The following TTLL5 variants were observed in gnomAD, a reference collection of about 807,000 sequenced individuals.
The protein encoded by TTLL5 is tubulin polyglutamylase TTLL5.
TTLL5 carries 132 observed loss-of-function variants against 168.4 expected under a neutral mutation model. The observed-to-expected ratio is 0.78, with a 90% CI of 0.68 to 0.91. TTLL5 has a LOEUF of 0.91. Among genes scored for constraint, TTLL5 ranks in the 40% least tolerant of loss-of-function variants. The probability of loss-of-function intolerance (pLI) is 0.00; values close to 1 mark genes in which losing one functional copy is unlikely to be tolerated. For missense variants in TTLL5, 1,545 were observed against 1,581.5 expected (o/e 0.98, Z 0.39); for synonymous variants, 546 against 558.6 (o/e 0.98, Z 0.32).
chr14:75,669,337 A>C, intron 2 of TTLL5, 79 bp from the exon 3 acceptor site: 1 of 1,333,218 alleles, frequency 7.5e-7, no homozygotes, highest in Non-Finnish European at 1.0e-6. Flanking sequence ...CTTGCTAAGC[A>C]ACAAACCATA....
intron 15 of TTLL5, chr14:75,737,625 T>C: frequency 5.2e-6 from 8 of 1,532,934 alleles, no homozygotes; most frequent in Non-Finnish European, 7.0e-6. Context: ...CTAGATCTTT[T>C]GGAGACTTCT....
chr14:75,713,268 T>G (rs1887217986), intron 9 of TTLL5, among the ~76,000 whole-genome samples: 1 of 152,212 alleles, frequency 6.6e-6, no homozygotes, highest in South Asian at 2.1e-4. Context: ...ATGTATTACT[T>G]TTTCTATGTT....
At chr14:75,771,656 A>G (rs997218084) in intron 20 of TTLL5, 78 bp from the exon 21 acceptor site, 10 of 1,587,704 alleles carry the variant, frequency 6.3e-6, no homozygotes, top group Non-Finnish European at 8.6e-6. Context: ...CTCAAAGGCC[A>G]CTTGGAGAGA....
Position 75,931,408 on chromosome 14 carries a change from A to G in TTLL5, c.3824-23016A>G, listed in dbSNP as rs534823945. 7.9e-5 allele frequency among the ~76,000 whole-genome samples: 12 copies of G among 152,302 alleles called. No individual in the cohort carries two copies. In the South Asian group the frequency reaches 1.7e-3, roughly 21 times the overall value. ...GTCCGCATATTTGATTATCATTATT[A>G]TACTTTTCCCTTTAAATATCCCTCA... On this transcript the variant is annotated intron_variant, in intron 31 of 31. Transcript: ENST00000298832.
intron 28 of TTLL5, among the ~76,000 whole-genome samples, chr14:75,846,635 A>G (rs1896557590): frequency 6.6e-6 from 1 of 152,056 alleles, no homozygotes; most frequent in Admixed American, 6.5e-5. Flanking sequence ...TACTAAAAAT[A>G]CAAAATCAGC....
intron 20 of TTLL5, among the ~76,000 whole-genome samples, chr14:75,767,350 T>C (rs1891028046): frequency 6.6e-6 from 1 of 152,120 alleles, no homozygotes; most frequent in South Asian, 2.1e-4. Context: ...AGAAACAAGG[T>C]CATTTCAGGT....
At chr14:75,706,774 A>ATTTATTAT (rs1213998697) in intron 7 of TTLL5, among the ~76,000 whole-genome samples, 1 of 150,736 alleles carries the variant, frequency 6.6e-6, no homozygotes, top group African/African-American at 2.5e-5. Flanking sequence ...TTATTTATTT[A>ATTTATTAT]TTATTTATTA....
intron 12 of TTLL5, among the ~76,000 whole-genome samples, chr14:75,724,740 C>G (rs1250091294): frequency 1.3e-5 from 2 of 152,106 alleles, no homozygotes; most frequent in Admixed American, 1.3e-4. Context: ...TTATGCCTCC[C>G]TCAATAAGAC....
chr14:75,804,454 A>G (rs182169658), intron 27 of TTLL5, among the ~76,000 whole-genome samples: 3 of 152,310 alleles, frequency 2.0e-5, no homozygotes, highest in Admixed American at 2.0e-4. Flanking sequence ...ATGGTTACAG[A>G]TGTTCTCTAG....
chr14:75,953,699 T>G (rs1272992795), intron 31 of TTLL5, among the ~76,000 whole-genome samples: 1 of 152,140 alleles, frequency 6.6e-6, no homozygotes, highest in African/African-American at 2.4e-5. Flanking sequence ...CAAAGTATTA[T>G]CTGACACTCT....
intron 31 of TTLL5, among the ~76,000 whole-genome samples, chr14:75,949,311 ATACACATATATATAACCT>A (rs1289957805): frequency 6.6e-6 from 1 of 150,838 alleles, no homozygotes; most frequent in Non-Finnish European, 1.5e-5. Flanking sequence ...ATATGTATAT[ATACACATATATATAACCT>A]TACCAAGAGA....
chr14:75,683,739 TAAA>T, intron 5 of TTLL5, 83 bp downstream of exon 5: 3 of 1,063,744 alleles, frequency 2.8e-6, no homozygotes, highest in Non-Finnish European at 4.3e-6. Context: ...TTAGTGTCCT[TAAA>T]GAAGAGGAAG....
intron 29 of TTLL5, among the ~76,000 whole-genome samples, chr14:75,875,040 T>G (rs2139998714): frequency 6.8e-6 from 1 of 146,138 alleles, no homozygotes; most frequent in East Asian, 2.1e-4. Flanking sequence ...TTCACACCAT[T>G]CTCCTGCCTC....
chr14:75,914,033 A>AAAAAAAAAAAAAATATATATAT, intron 31 of TTLL5, among the ~76,000 whole-genome samples: 13 of 71,088 alleles, frequency 1.8e-4, no homozygotes, highest in Non-Finnish European at 2.1e-4. Flanking sequence ...AAAAAAAAAA[A>AAAAAAAAAAAAAATATATATAT]ATATATATAT....
chr14:75,781,314 A>C (rs1050685910), intron 24 of TTLL5, among the ~76,000 whole-genome samples: 34 of 152,200 alleles, frequency 2.2e-4, no homozygotes, highest in African/African-American at 8.2e-4. Context: ...CAGTAGGAAG[A>C]CGTCAATCAA....
At chr14:75,862,785 A>T (rs951595876) in intron 28 of TTLL5, among the ~76,000 whole-genome samples, 11 of 152,056 alleles carry the variant, frequency 7.2e-5, no homozygotes, top group South Asian at 4.1e-4. Flanking sequence ...CTACAAAAAA[A>T]ATATATAAAA....
chr14:75,831,762 A>G (rs1289486167), intron 28 of TTLL5, among the ~76,000 whole-genome samples: 1 of 152,144 alleles, frequency 6.6e-6, no homozygotes, highest in Admixed American at 6.5e-5. Flanking sequence ...CTGTGTTCCC[A>G]TATCACATTT....
intron 6 of TTLL5, among the ~76,000 whole-genome samples, chr14:75,694,777 GTC>G (rs1289488548): frequency 6.6e-6 from 1 of 152,170 alleles, no homozygotes; most frequent in Non-Finnish European, 1.5e-5. Context: ...CTTTACTGCA[GTC>G]TCTGAACATA....
chr14:75,886,806 T>C, intron 30 of TTLL5: 1 of 1,582,600 alleles, frequency 6.3e-7, no homozygotes. Flanking sequence ...CTGAACTGTC[T>C]CTTGTAAATG....
Sources: gnomAD v4.1 joint callset for allele counts (sites outside exome capture counted in the v4.1 genomes callset) on GRCh38, gnomAD v4.1.1 for gene constraint, MANE v1.5 for transcripts, NCBI Gene and HGNC (gene_info 2026-07-23, HGNC 2026-07-21) for gene names.